EDIL3: variants seen among roughly 807,000 people sequenced by gnomAD.
The protein encoded by EDIL3 is EGF like and discoidin domains 3.
A neutral mutation model predicts 67.4 loss-of-function variants in EDIL3; 37 were observed. That is an observed-to-expected ratio of 0.55 (90% CI 0.42 to 0.72). EDIL3 has a LOEUF of 0.72. EDIL3 is among the 30% of genes least tolerant of loss of function. The pLI is 0.00. For synonymous variants in EDIL3, 195 were observed against 196.3 expected (o/e 0.99, Z 0.05); for missense variants, 527 against 586.3 (o/e 0.90, Z 1.04).
intron 9 of EDIL3, among the ~76,000 whole-genome samples, chr5:83,997,791 A>C (rs1048465200): frequency 7.2e-5 from 11 of 152,158 alleles, no homozygotes; most frequent in Admixed American, 1.3e-4. Context: ...CCTTCATAAG[A>C]ACCAAAAATC....
At position 84,384,435 on chromosome 5, in the gene EDIL3, C is replaced by A. The variant is rs370448735; in HGVS notation, c.-61G>T. On this transcript the variant is annotated 5_prime_UTR_variant, in exon 1 of 11. Transcript: ENST00000296591. ...GGGTCGTCGCGGAGGGCAGTGTAGC[C>A]GAGGTGGCAGCGCAGGGCAGCAGCA... 1.8e-5 allele frequency: 28 copies of A among 1,576,220 alleles called. No homozygotes were observed. The African/African-American group carries it at 3.5e-4, about 20-fold the overall frequency.
intron 9 of EDIL3, among the ~76,000 whole-genome samples, chr5:83,970,303 C>T (rs919491783): frequency 5.1e-5 from 7 of 138,328 alleles, no homozygotes; most frequent in African/African-American, 2.0e-4. Flanking sequence ...TGTTCTTTGT[C>T]TATTACCTAT....
intron 3 of EDIL3, among the ~76,000 whole-genome samples, chr5:84,218,624 G>T (rs1294516546): frequency 6.6e-6 from 1 of 152,188 alleles, no homozygotes; most frequent in Non-Finnish European, 1.5e-5. Flanking sequence ...CCCGATTCCA[G>T]GCCTTGGCTC....
intron 1 of EDIL3, among the ~76,000 whole-genome samples, chr5:84,274,462 A>C (rs1437945657): frequency 2.6e-5 from 4 of 152,168 alleles, no homozygotes; most frequent in African/African-American, 9.7e-5. Context: ...ACTATTTCCC[A>C]GTAACATTCT....
chr5:84,289,758 T>C (rs1468323542), intron 1 of EDIL3, among the ~76,000 whole-genome samples: 1 of 152,208 alleles, frequency 6.6e-6, no homozygotes, highest in Non-Finnish European at 1.5e-5. Context: ...TGGGTATTCT[T>C]TCTCACATTA....
chr5:84,207,396 A>G (rs1213291128), intron 3 of EDIL3, among the ~76,000 whole-genome samples: 1 of 152,244 alleles, frequency 6.6e-6, no homozygotes, highest in African/African-American at 2.4e-5. Context: ...GAAATAAAAG[A>G]GGATACAAAC....
chr5:84,255,761 T>C (rs1745111689), intron 1 of EDIL3, among the ~76,000 whole-genome samples: 1 of 152,198 alleles, frequency 6.6e-6, no homozygotes, highest in Non-Finnish European at 1.5e-5. Flanking sequence ...ACTAAGATGA[T>C]AGATTAAAAC....
intron 10 of EDIL3, among the ~76,000 whole-genome samples, chr5:83,946,523 G>C (rs1744312778): frequency 6.6e-6 from 1 of 151,870 alleles, no homozygotes; most frequent in South Asian, 2.1e-4. Context: ...TTGTGATGCT[G>C]GTTGAAAATA....
At chr5:84,137,421 T>G in intron 4 of EDIL3, 67 bp from the exon 5 acceptor site, 1 of 1,405,564 alleles carries the variant, frequency 7.1e-7, no homozygotes, top group South Asian at 1.2e-5. Context: ...TTGGAAAGTT[T>G]TAACATTTGA....
At chr5:84,179,028 T>C (rs1748970029) in intron 4 of EDIL3, among the ~76,000 whole-genome samples, 1 of 152,176 alleles carries the variant, frequency 6.6e-6, no homozygotes, top group Non-Finnish European at 1.5e-5. Flanking sequence ...TTGAATATAG[T>C]ATTTATAAGC....
intron 1 of EDIL3, among the ~76,000 whole-genome samples, chr5:84,254,835 GAC>G (rs1745096180): frequency 6.6e-6 from 1 of 152,184 alleles, no homozygotes; most frequent in Non-Finnish European, 1.5e-5. Flanking sequence ...AATAACTTAT[GAC>G]ATAACAGAAA....
In EDIL3 at chr5:84,341,028, G is replaced by A. The variant is rs555855769; in HGVS notation, c.67+43280C>T. Among the ~76,000 whole-genome samples the A allele has an allele frequency of 5.3e-5, 8 of 152,002 alleles. No homozygotes were observed. In the South Asian group the frequency reaches 1.5e-3, roughly 28 times the overall value. The stretch of plus-strand genomic sequence containing the variant: ...CAGCTCAGGGAAGACTTAACAGAAA[G>A]TTGCCCTCATCCCTCCTCCAACATA... On this transcript the variant is annotated intron_variant, in intron 1 of 10. Coordinates refer to ENST00000296591, the MANE Select transcript of EDIL3 (RefSeq NM_005711.5).
chr5:84,203,823 T>A (rs1358867877), intron 3 of EDIL3, among the ~76,000 whole-genome samples: 1 of 152,142 alleles, frequency 6.6e-6, no homozygotes, highest in African/African-American at 2.4e-5. Context: ...AGAGAAAACA[T>A]TTGCACTTTT....
intron 3 of EDIL3, among the ~76,000 whole-genome samples, chr5:84,208,506 C>T (rs1306290235): frequency 1.3e-5 from 2 of 150,722 alleles, no homozygotes; most frequent in East Asian, 2.0e-4. Flanking sequence ...GGTGAAACCC[C>T]GTCTCTACCA....
chr5:84,192,761 G>A (rs540103941), intron 3 of EDIL3, among the ~76,000 whole-genome samples: 1 of 151,990 alleles, frequency 6.6e-6, no homozygotes, highest in East Asian at 1.9e-4. Context: ...GTAAACGAGA[G>A]GACTGACTCC....
chr5:84,382,718 G>A (rs1338969104), intron 1 of EDIL3, among the ~76,000 whole-genome samples: 2 of 152,102 alleles, frequency 1.3e-5, no homozygotes, highest in Non-Finnish European at 2.9e-5. Context: ...TTTTTATATC[G>A]CTGGAGACTC....
intron 9 of EDIL3, among the ~76,000 whole-genome samples, chr5:83,978,755 G>A (rs1744915854): frequency 6.6e-6 from 1 of 152,004 alleles, no homozygotes; most frequent in African/African-American, 2.4e-5. Context: ...CTCAATAAAA[G>A]ATGCTACAGA....
chr5:84,198,602 G>A (rs763655811), intron 3 of EDIL3, among the ~76,000 whole-genome samples: 9 of 152,026 alleles, frequency 5.9e-5, no homozygotes, highest in Non-Finnish European at 1.3e-4. Context: ...CAAGGTTATC[G>A]ATGCCTTGTT....
chr5:84,242,358 A>T (rs1744814811), intron 2 of EDIL3, among the ~76,000 whole-genome samples: 1 of 152,154 alleles, frequency 6.6e-6, no homozygotes, highest in African/African-American at 2.4e-5. Flanking sequence ...TAGCAAACAG[A>T]AGTACCAAGA....
Sources: allele counts gnomAD v4.1 joint callset (sites outside exome capture counted in the v4.1 genomes callset), GRCh38; gene constraint gnomAD v4.1.1; transcripts MANE v1.5; gene names NCBI Gene and HGNC (gene_info 2026-07-23, HGNC 2026-07-21).